OGA: variants seen among roughly 807,000 people sequenced by gnomAD.
OGA encodes the protein O-GlcNAcase.
OGA carries 21 observed loss-of-function variants against 102.0 expected under a neutral mutation model. The ratio of observed to expected loss-of-function variants is 0.21; its 90% CI spans 0.15 to 0.30. The LOEUF is 0.30. Among genes scored for constraint, OGA ranks in the 10% least tolerant of loss-of-function variants. OGA has a pLI of 1.00. For synonymous variants in OGA, 408 were observed against 378.2 expected, an observed-to-expected ratio of 1.08 and a Z score of -0.91; for missense variants, 765 against 1,107.8, an observed-to-expected ratio of 0.69 and a Z score of 4.39.
chr10:101,815,929 C>T (rs1042530146), intron 1 of OGA, among the ~76,000 whole-genome samples: 1 of 125,398 alleles, frequency 8.0e-6, no homozygotes, highest in Non-Finnish European at 1.6e-5. Flanking sequence ...ATTCATTTTA[C>T]GGCTGGTGCC....
chr10:101,786,352 TTTG>T lies in OGA; in HGVS notation c.*96_*98del. 8.0e-7 allele frequency: 1 copy of T among 1,248,160 alleles called. No individual in the cohort carries two copies. Among genetic ancestry groups the T allele is most frequent in the African/African-American group, 1.5e-5 (1 of 65,052 alleles). 77.3% of individuals were successfully genotyped at this position (1,248,160 alleles called of 1,614,324 possible). A position where few individuals can be genotyped will look rare whatever the true frequency, so the allele number is the denominator to read the frequency against. On this transcript the variant is annotated 3_prime_UTR_variant, in exon 16 of 16. Coordinates refer to ENST00000361464, the MANE Select transcript of OGA (RefSeq NM_012215.5). ...CTTTGTTTCGAATCCAATTGGCTGATTTGTTACCATTCTAGAGGCTGAACTGTA... is the reference window on the plus strand; with the variant it reads ...CTTTGTTTCGAATCCAATTGGCTGATTTACCATTCTAGAGGCTGAACTGTA...
At position 101,795,924 on chromosome 10, in the gene OGA, A is replaced by G. The variant is rs1382279670; in HGVS notation, c.1985-1926T>C. 6.1e-6 allele frequency: 6 copies of G among 982,164 alleles called. No individual in the cohort carries two copies. The African/African-American group carries it at 7.0e-5, about 11-fold the overall frequency. 60.8% of individuals were successfully genotyped at this position (982,164 alleles called of 1,614,324 possible). ...TTGAGATTGTGTAAGAGGTATCTAT[A>G]TAATTTTGGAAAGCTACCACCATAA... is the stretch of plus-strand genomic sequence containing the variant. On this transcript the variant is annotated intron_variant, in intron 10 of 15. Transcript: ENST00000361464.
At chr10:101,787,741 T>C in intron 14 of OGA, 1 of 516,416 alleles carries the variant, frequency 1.9e-6, no homozygotes, top group South Asian at 2.5e-5. Context: ...GGGCAGGCAT[T>C]CTCCCTCGCG....
rs1197490250 is a variant in OGA at position 101,804,072 on chromosome 10, C to A, written c.752-53G>T. ...AAGAATCATGGTTCTTGGCTAGACG[C>A]ATTGGCTCATAACTGTAATCCCAGC... On this transcript the variant is annotated intron_variant, in intron 6 of 15. Coordinates refer to ENST00000361464, the MANE Select transcript of OGA (RefSeq NM_012215.5). 2.7e-6 allele frequency: 4 copies of A among 1,508,128 alleles called. No individual in the cohort carries two copies. The African/African-American group carries it at 4.2e-5, about 16-fold the overall frequency. The allele number at this position is 1,508,128 out of a possible 1,614,324, so 93.4% of individuals were successfully genotyped here.
chr10:101,811,575 C>T (rs955543710), intron 3 of OGA, among the ~76,000 whole-genome samples: 29 of 151,932 alleles, frequency 1.9e-4, no homozygotes, highest in Non-Finnish European at 3.1e-4. Flanking sequence ...TGGTGACCCG[C>T]GCTTGTAGTC....
chr10:101,810,275 T>A lies in OGA; in HGVS notation c.389A>T (p.Glu130Val). 1 of 1,612,452 alleles carries A rather than the reference T, an allele frequency of 6.2e-7. No individual in the cohort carries two copies. The change falls in exon 4 of 16, where the codon GAG (glutamate) becomes GTG (valine). Residue 130 changes from glutamate to valine, a missense_variant. Transcript: ENST00000361464. Reference sequence around the variant, plus strand: ...TGAGATCGCATAGATGAACTCTATCTCATATTCTCGTGCAGCAGAGATGAG... The same window carrying A: ...TGAGATCGCATAGATGAACTCTATCACATATTCTCGTGCAGCAGAGATGAG... ...MTLISAAREY[E>V]IEFIYAISPG...
intron 13 of OGA, 108 bp from the exon 14 acceptor site, chr10:101,791,196 T>C (rs1337589521): frequency 1.5e-6 from 2 of 1,292,174 alleles, no homozygotes; most frequent in Non-Finnish European, 2.1e-6. Context: ...GGAACCTACA[T>C]TTGGTGTAAG....
In OGA at chr10:101,804,015, G is replaced by C; in HGVS notation, c.756C>G (p.Pro252=). 1.2e-6 allele frequency: 2 copies of C among 1,607,194 alleles called. No homozygotes were observed. Among genetic ancestry groups the C allele is most frequent in the South Asian group, 1.1e-5 (1 of 90,562 alleles). The stretch of plus-strand genomic sequence containing the variant: ...CTGGAATTTCTTTAGAAACAACTTT[G>C]GGACCTAGAAATAACGACAACCGTT... ...LPGIEVLWTG[P]KVVSKEIPVE... Residue 252 remains proline (P), a synonymous_variant, in exon 7 of 16, where the codon CCC becomes CCG. Transcript: ENST00000361464.
Position 101,786,490 on chromosome 10 carries a change from T to C in OGA, c.2712A>G (p.Gly904=), listed in dbSNP as rs2065191253. Reference sequence around the variant, plus strand: ...CAAGTATAACCACATCCTTTGGAAATCCTTCCATTTTTGCAATTTCAAAAC... The same window carrying C: ...CAAGTATAACCACATCCTTTGGAAACCCTTCCATTTTTGCAATTTCAAAAC... The part of the protein sequence containing the change: ...LGCFEIAKME[G]FPKDVVILGR... The change falls in exon 16 of 16, where the codon GGA becomes GGG. Residue 904 remains glycine, a synonymous_variant. Coordinates refer to ENST00000361464, the MANE Select transcript of OGA (RefSeq NM_012215.5). 1 of 1,612,072 alleles carries C rather than the reference T, an allele frequency of 6.2e-7. No individual in the cohort carries two copies. Among genetic ancestry groups the C allele is most frequent in the Admixed American group, 1.7e-5 (1 of 59,760 alleles).
At chr10:101,817,187 C>A (rs1003293551) in intron 1 of OGA, among the ~76,000 whole-genome samples, 3 of 152,220 alleles carry the variant, frequency 2.0e-5, no homozygotes, top group Admixed American at 6.5e-5. Context: ...GCCGCTTCTG[C>A]GGTCACTAAA....
At chr10:101,800,955 C>G (rs531891760) in intron 7 of OGA, among the ~76,000 whole-genome samples, 1 of 151,662 alleles carries the variant, frequency 6.6e-6, no homozygotes, top group Non-Finnish European at 1.5e-5. Flanking sequence ...TTCTATTATT[C>G]GTGAAGATGG....
chr10:101,786,324 CTTCT>C lies in OGA; in HGVS notation c.*123_*126del, dbSNP rs1402252076. On this transcript the variant is annotated 3_prime_UTR_variant, in exon 16 of 16. Coordinates refer to ENST00000361464, the MANE Select transcript of OGA (RefSeq NM_012215.5). ...GTGTGATGGGTGAGTTTTACATAGT[CTTCT>C]TTGTTTCGAATCCAATTGGCTGATT... 3.7e-5 allele frequency: 37 copies of C among 1,009,562 alleles called. No homozygotes were observed. The South Asian group carries it at 6.9e-4, about 19-fold the overall frequency. 62.5% of individuals were successfully genotyped at this position (1,009,562 alleles called of 1,614,324 possible). A position where few individuals can be genotyped will look rare whatever the true frequency, so the allele number is the denominator to read the frequency against.
chr10:101,791,832 A>G lies in OGA; in HGVS notation c.2176-393T>C, dbSNP rs2065263046. On this transcript the variant is annotated intron_variant, in intron 12 of 15. Transcript: ENST00000361464. The stretch of plus-strand genomic sequence containing the variant: ...CAGGCATACGCCACCATACTCATCT[A>G]ATTTTTTTTTTTTTTTGAGACGGAG... Among the ~76,000 whole-genome samples the G allele has an allele frequency of 2.0e-5, 3 of 150,022 alleles. No individual in the cohort carries two copies. In the South Asian group the frequency reaches 6.3e-4, roughly 32 times the overall value.
chr10:101,788,421 GAAAAAAAAAA>G (rs767434249), intron 14 of OGA, among the ~76,000 whole-genome samples: 1 of 102,290 alleles, frequency 9.8e-6, no homozygotes, highest in Non-Finnish European at 2.0e-5. Flanking sequence ...CCTGGGCGGG[GAAAAAAAAAA>G]AAAAAAAAAA....
intron 5 of OGA, among the ~76,000 whole-genome samples, chr10:101,806,757 T>C (rs922757850): frequency 1.3e-5 from 2 of 152,284 alleles, no homozygotes; most frequent in East Asian, 1.9e-4. Flanking sequence ...ATTGATAATA[T>C]CATAATAGAA....
In OGA at chr10:101,793,007, G is replaced by A. The variant is rs543608633; in HGVS notation, c.2071-64C>T. ...AAGGTATCCATTTTTTTAAATGGGTGTGCACTGCAGATTACCAACTTATAT... is the reference window on the plus strand; with the variant it reads ...AAGGTATCCATTTTTTTAAATGGGTATGCACTGCAGATTACCAACTTATAT... On this transcript the variant is annotated intron_variant, in intron 11 of 15. Coordinates refer to ENST00000361464, the MANE Select transcript of OGA (RefSeq NM_012215.5). 62 of 1,267,900 alleles carry A rather than the reference G, an allele frequency of 4.9e-5. No homozygotes were observed. In the African/African-American group the frequency reaches 8.2e-4, roughly 17 times the overall value. The allele number at this position is 1,267,900 out of a possible 1,614,324, so 78.5% of individuals were successfully genotyped here. A position where few individuals can be genotyped will look rare whatever the true frequency, so the allele number is the denominator to read the frequency against.
In OGA at chr10:101,818,216, C is replaced by G. The variant is rs1446096489; in HGVS notation, c.-194G>C. The G allele has an allele frequency of 7.5e-7, 1 of 1,340,546 alleles. No homozygotes were observed. The highest frequency in any genetic ancestry group is 3.0e-5 in the East Asian group (1 of 33,014). The allele number at this position is 1,340,546 out of a possible 1,614,324, so 83.0% of individuals were successfully genotyped here. A position where few individuals can be genotyped will look rare whatever the true frequency, so the allele number is the denominator to read the frequency against. On this transcript the variant is annotated 5_prime_UTR_variant, in exon 1 of 16. Transcript: ENST00000361464. The stretch of plus-strand genomic sequence containing the variant: ...CGGATGAGAAGGGCGGCGGCACCGG[C>G]GCGAGCCCTTTGTCAGCCGCAGCCT...
rs750904605 is a variant in OGA, at chr10:101,803,966, T to C, written c.805A>G (p.Lys269Glu). The C allele has an allele frequency of 6.2e-7, 1 of 1,613,836 alleles. No homozygotes were observed. Among genetic ancestry groups the C allele is most frequent in the Non-Finnish European group, 8.5e-7 (1 of 1,179,724 alleles). Residue 269 changes from lysine to glutamate, a missense_variant, in exon 7 of 16, where the codon AAG (lysine) becomes GAG (glutamate). Physicochemically the swap from Lys to Glu is moderately conservative, Grantham distance 56 (BLOSUM62 1). Around this residue, in one of 7 missense-constraint regions of OGA, gnomAD observed 165 missense variants for 249.7 expected, o/e 0.66. Transcript: ENST00000361464. ...ATTACTGGAGCTCTCTTAATAATCT[T>C]AGAAACCTCTTCGATGGACTCTACT... ...IPVESIEEVS[K>E]IIKRAPVIWD...
intron 7 of OGA, 122 bp from the exon 8 acceptor site, chr10:101,800,522 G>A (rs922256857): frequency 2.8e-6 from 2 of 714,948 alleles, no homozygotes; most frequent in East Asian, 2.7e-5. Flanking sequence ...AACAGAATGA[G>A]AACAAACCTT....
Sources: gnomAD v4.1 joint callset for allele counts (sites outside exome capture counted in the v4.1 genomes callset) on GRCh38, gnomAD v4.1.1 for gene constraint, gnomAD v4.1.1 regional missense constraint, MANE v1.5 for transcripts, NCBI Gene and HGNC (gene_info 2026-07-23, HGNC 2026-07-21) for gene names.